APBB2: variants seen among roughly 807,000 people sequenced by gnomAD.
APBB2 encodes amyloid beta precursor protein binding family B member 2, also known as Fe65-like 1.
In APBB2, 38 loss-of-function variants were observed where a neutral mutation model predicts 82.5. The observed-to-expected ratio is 0.46, with a 90% CI of 0.36 to 0.60. The LOEUF (loss-of-function observed/expected upper bound fraction) is 0.60, where lower values mean the gene tolerates loss of function less well. Among genes scored for constraint, APBB2 ranks in the 20% least tolerant of loss-of-function variants. APBB2 has a pLI of 0.00. For synonymous variants in APBB2, 341 were observed against 368.2 expected (o/e 0.93, Z 0.85); for missense variants, 772 against 972.3 (o/e 0.79, Z 2.74).
chr4:40,880,991 A>C (rs1289432405), intron 12 of APBB2: 11 of 985,298 alleles, frequency 1.1e-5, no homozygotes, highest in Non-Finnish European at 1.2e-5. Flanking sequence ...CTCTAAGGGA[A>C]ACTGTTCTTG....
chr4:41,164,084 T>C (rs1026653613), intron 1 of APBB2, among the ~76,000 whole-genome samples: 1 of 152,202 alleles, frequency 6.6e-6, no homozygotes, highest in Non-Finnish European at 1.5e-5. Context: ...TAAGGAAGTA[T>C]CTTGGAGATG....
intron 10 of APBB2, among the ~76,000 whole-genome samples, chr4:40,908,667 G>A (rs1777728068): frequency 6.6e-6 from 1 of 152,148 alleles, no homozygotes; most frequent in Non-Finnish European, 1.5e-5. Context: ...GGCCTCCTAG[G>A]AGTACCCTGA....
intron 1 of APBB2, among the ~76,000 whole-genome samples, chr4:41,212,725 A>C (rs73809656): frequency 9.7e-4 from 147 of 152,278 alleles, no homozygotes; most frequent in African/African-American, 3.5e-3. Flanking sequence ...AAAGAACAGC[A>C]ATTGAAATCT....
At chr4:40,886,092 T>C (rs1770156600) in intron 12 of APBB2, among the ~76,000 whole-genome samples, 2 of 152,216 alleles carry the variant, frequency 1.3e-5, no homozygotes, top group African/African-American at 4.8e-5. Context: ...ATTGGCGAAG[T>C]ACACAAGGAT....
At chr4:41,059,700 G>T (rs1729103074) in intron 4 of APBB2, among the ~76,000 whole-genome samples, 1 of 152,190 alleles carries the variant, frequency 6.6e-6, no homozygotes, top group Admixed American at 6.5e-5. Flanking sequence ...GATACTTTTA[G>T]TTAATTTATT....
intron 6 of APBB2, among the ~76,000 whole-genome samples, chr4:40,950,700 G>A (rs1419377111): frequency 1.3e-5 from 2 of 152,012 alleles, no homozygotes; most frequent in East Asian, 1.9e-4. Context: ...CAAATTAGCC[G>A]AGTGTGGTTG....
intron 1 of APBB2, among the ~76,000 whole-genome samples, chr4:41,146,577 T>C (rs753920966): frequency 1.4e-4 from 21 of 152,228 alleles, no homozygotes; most frequent in Non-Finnish European, 2.9e-4. Context: ...CCACACAGCC[T>C]TGGAGTAAGA....
intron 6 of APBB2, among the ~76,000 whole-genome samples, chr4:41,013,009 T>G (rs928920717): frequency 3.3e-5 from 5 of 152,216 alleles, no homozygotes; most frequent in Non-Finnish European, 7.3e-5. Flanking sequence ...TCTGAATATA[T>G]TTTTCAAGAA....
intron 2 of APBB2, among the ~76,000 whole-genome samples, chr4:41,109,532 G>A (rs568115598): frequency 6.6e-6 from 1 of 152,206 alleles, no homozygotes; most frequent in East Asian, 1.9e-4. Flanking sequence ...GTGCAGTGGC[G>A]TGATCTTGGC....
chr4:41,024,449 C>T (rs984806820), intron 5 of APBB2, among the ~76,000 whole-genome samples: 4 of 152,066 alleles, frequency 2.6e-5, no homozygotes, highest in Non-Finnish European at 5.9e-5. Context: ...TAATATCCAG[C>T]ACCTATTGAG....
At chr4:40,954,497 C>T (rs191839947) in intron 6 of APBB2, among the ~76,000 whole-genome samples, 1 of 152,272 alleles carries the variant, frequency 6.6e-6, no homozygotes, top group East Asian at 1.9e-4. Context: ...TGGGGAACTG[C>T]ACACCCGGCC....
At chr4:40,816,813 G>A (rs933569178) in intron 17 of APBB2, among the ~76,000 whole-genome samples, 1 of 152,188 alleles carries the variant, frequency 6.6e-6, no homozygotes, top group Admixed American at 6.5e-5. Context: ...TGGAATGCCT[G>A]AAATAGGCCT....
At chr4:40,952,227 G>A (rs1790395037) in intron 6 of APBB2, among the ~76,000 whole-genome samples, 1 of 150,960 alleles carries the variant, frequency 6.6e-6, no homozygotes, top group Admixed American at 6.6e-5. Flanking sequence ...TCATTTTATG[G>A]TGACTTTCAT....
intron 12 of APBB2, among the ~76,000 whole-genome samples, chr4:40,852,107 C>G (rs114000600): frequency 6.6e-6 from 1 of 151,812 alleles, no homozygotes; most frequent in Non-Finnish European, 1.5e-5. Context: ...TGCCTGTAAT[C>G]CCAGCACTAA....
intron 12 of APBB2, among the ~76,000 whole-genome samples, chr4:40,868,136 G>C (rs924357568): frequency 4.0e-5 from 6 of 151,828 alleles, no homozygotes; most frequent in Admixed American, 3.9e-4. Context: ...GGCATTACAG[G>C]GTGAGCCACC....
Position 40,811,170 on chromosome 4 carries a change from C to T in APBB2, c.*4922G>A, listed in dbSNP as rs1206838917. ...AGTATATGAAGATTCTGAATTAAAC[C>T]ATTCATTAATTACACTGCAGTTTTC... is the stretch of plus-strand genomic sequence containing the variant. On this transcript the variant is annotated 3_prime_UTR_variant, in exon 18 of 18. Coordinates refer to ENST00000508593, the MANE Select transcript of APBB2 (RefSeq NM_004307.2). The T allele has an allele frequency of 6.6e-6, 1 of 152,076 alleles. No homozygotes were observed. The highest frequency in any genetic ancestry group is 2.4e-5 in the African/African-American group (1 of 41,398). The allele number at this position is 152,076 out of a possible 1,614,324, so 9.4% of individuals were successfully genotyped here.
At chr4:40,975,761 C>T (rs949080600) in intron 6 of APBB2, among the ~76,000 whole-genome samples, 2 of 149,828 alleles carry the variant, frequency 1.3e-5, no homozygotes, top group Non-Finnish European at 3.0e-5. Context: ...AAAACACACA[C>T]ACACACACAC....
At chr4:41,141,387 T>A (rs1359988836) in intron 2 of APBB2, among the ~76,000 whole-genome samples, 1 of 152,132 alleles carries the variant, frequency 6.6e-6, no homozygotes, top group Non-Finnish European at 1.5e-5. Context: ...TGCGTGTGCA[T>A]GTGTGCATAT....
intron 1 of APBB2, among the ~76,000 whole-genome samples, chr4:41,207,128 G>A (rs1247312535): frequency 6.9e-6 from 1 of 144,900 alleles, no homozygotes; most frequent in Non-Finnish European, 1.5e-5. Flanking sequence ...GAACCTGGAA[G>A]GTGGAGGTTG....
Sources: allele counts gnomAD v4.1 joint callset (sites outside exome capture counted in the v4.1 genomes callset), GRCh38; gene constraint gnomAD v4.1.1; transcripts MANE v1.5; gene names NCBI Gene and HGNC (gene_info 2026-07-23, HGNC 2026-07-21).